MIPOL1: variants seen among roughly 807,000 people sequenced by gnomAD.
MIPOL1 encodes mirror-image polydactyly gene 1 protein.
A neutral mutation model predicts 60.9 loss-of-function variants in MIPOL1; 57 were observed. The ratio of observed to expected loss-of-function variants is 0.94; its 90% CI spans 0.76 to 1.17. The LOEUF (loss-of-function observed/expected upper bound fraction) is 1.17, where lower values mean the gene tolerates loss of function less well. Ranked by LOEUF, MIPOL1 falls within the 50% of genes most tolerant of loss-of-function variation. The pLI is 0.00. For missense variants in MIPOL1, 551 were observed against 511.6 expected, an observed-to-expected ratio of 1.08 and a Z score of -0.74; for synonymous variants, 179 against 168.8, an observed-to-expected ratio of 1.06 and a Z score of -0.47.
At chr14:37,510,843 T>C (rs1230049224) in intron 12 of MIPOL1, among the ~76,000 whole-genome samples, 3 of 151,830 alleles carry the variant, frequency 2.0e-5, no homozygotes, top group African/African-American at 7.3e-5. Context: ...GAGCCCAGAG[T>C]TTACTAGTTT....
intron 10 of MIPOL1, among the ~76,000 whole-genome samples, chr14:37,374,468 G>A (rs562594320): frequency 6.6e-6 from 1 of 152,120 alleles, no homozygotes; most frequent in Non-Finnish European, 1.5e-5. Flanking sequence ...CCATGCCTGT[G>A]TCCTGAATGG....
In MIPOL1 at chr14:37,314,834, T is replaced by C. The variant is rs762838768; in HGVS notation, c.828+6315T>C. 7.3e-4 allele frequency among the ~76,000 whole-genome samples: 111 copies of C among 152,284 alleles called. 1 individual carries two copies. Among genetic ancestry groups the C allele is most frequent in the Non-Finnish European group, 1.4e-3 (93 of 68,024 alleles). ...TATTATGTTTGTGGAATTATTGAAC[T>C]TGGCTATTTTAGATATTTCAAGATA... On this transcript the variant is annotated intron_variant, in intron 9 of 12. Transcript: ENST00000684589.
At chr14:37,255,240 G>A (rs891263408) in intron 3 of MIPOL1, among the ~76,000 whole-genome samples, 3 of 151,532 alleles carry the variant, frequency 2.0e-5, no homozygotes, top group Admixed American at 6.6e-5. Context: ...TGTGGCCTCC[G>A]TAGTATGATT....
chr14:37,514,569 T>C (rs2095354196), intron 12 of MIPOL1, among the ~76,000 whole-genome samples: 1 of 152,254 alleles, frequency 6.6e-6, no homozygotes, highest in Middle Eastern at 3.4e-3. Flanking sequence ...GTCTCTATTA[T>C]TAAACACACA....
intron 10 of MIPOL1, among the ~76,000 whole-genome samples, chr14:37,371,124 A>T (rs1423954320): frequency 1.4e-5 from 2 of 143,510 alleles, no homozygotes; most frequent in South Asian, 2.2e-4. Flanking sequence ...AGATGGAATA[A>T]TTTTTTTTTT....
At chr14:37,218,897 C>G (rs188345629) in intron 1 of MIPOL1, among the ~76,000 whole-genome samples, 32 of 147,318 alleles carry the variant, frequency 2.2e-4, no homozygotes, top group Non-Finnish European at 2.2e-4. Flanking sequence ...TGCACTCCAG[C>G]CTGGGCAACA....
At chr14:37,250,812 A>G (rs1956513) in intron 3 of MIPOL1, among the ~76,000 whole-genome samples, 11,814 of 152,166 alleles carry the variant, frequency 0.078, 726 homozygotes, top group East Asian at 0.3. Context: ...TATTACACAG[A>G]TATGCCTTTA....
chr14:37,393,336 A>G (rs923524877), intron 10 of MIPOL1, among the ~76,000 whole-genome samples: 2 of 140,904 alleles, frequency 1.4e-5, no homozygotes, highest in African/African-American at 5.4e-5. Flanking sequence ...TTCTGGTAAC[A>G]TTTTTTTGAG....
intron 9 of MIPOL1, among the ~76,000 whole-genome samples, chr14:37,324,540 C>T (rs2088944113): frequency 6.6e-6 from 1 of 151,918 alleles, no homozygotes; most frequent in Non-Finnish European, 1.5e-5. Context: ...TTTCTTAATA[C>T]CATCTTTTGA....
intron 7 of MIPOL1, among the ~76,000 whole-genome samples, chr14:37,294,197 A>C (rs1040246967): frequency 2.0e-5 from 3 of 152,212 alleles, no homozygotes; most frequent in Non-Finnish European, 2.9e-5. Flanking sequence ...CCAGGCAAAC[A>C]GGGTCTGGAG....
chr14:37,340,481 C>T (rs781068278), intron 9 of MIPOL1, among the ~76,000 whole-genome samples: 1 of 152,042 alleles, frequency 6.6e-6, no homozygotes, highest in South Asian at 2.1e-4. Context: ...GAGGCCAAGT[C>T]GGACGATCCC....
chr14:37,517,661 C>T (rs925438179), intron 12 of MIPOL1, among the ~76,000 whole-genome samples: 2 of 151,990 alleles, frequency 1.3e-5, no homozygotes, highest in Non-Finnish European at 2.9e-5. Flanking sequence ...AATGATGGTA[C>T]GTGCACATAG....
intron 12 of MIPOL1, among the ~76,000 whole-genome samples, chr14:37,519,853 G>A (rs1053463957): frequency 5.3e-5 from 8 of 152,008 alleles, no homozygotes; most frequent in African/African-American, 7.2e-5. Context: ...TCCACCTTGC[G>A]GAATTTGGCC....
At chr14:37,494,623 A>G (rs1403087183) in intron 11 of MIPOL1, among the ~76,000 whole-genome samples, 1 of 152,216 alleles carries the variant, frequency 6.6e-6, no homozygotes, top group Non-Finnish European at 1.5e-5. Context: ...TAAAGACTGT[A>G]GGTTCAAATT....
intron 11 of MIPOL1, among the ~76,000 whole-genome samples, chr14:37,443,946 A>G (rs970599872): frequency 6.6e-6 from 1 of 152,100 alleles, no homozygotes; most frequent in Admixed American, 6.6e-5. Context: ...ATGAAATTCA[A>G]AACCCATTCA....
rs1212466656 is a variant in MIPOL1, at chr14:37,258,276, A to G, written c.20-8662A>G. Among the ~76,000 whole-genome samples, 4 of 152,230 alleles carry G rather than the reference A, an allele frequency of 2.6e-5. No individual in the cohort carries two copies. The East Asian group carries it at 7.7e-4, about 29-fold the overall frequency. On this transcript the variant is annotated intron_variant, in intron 3 of 12. Coordinates refer to ENST00000684589, the MANE Select transcript of MIPOL1 (RefSeq NM_001388067.1). ...AAAATTTATCTTTTATAGATTATTT[A>G]TGAAATTGTTGAATTCACAATTGGT... is the stretch of plus-strand genomic sequence containing the variant.
intron 2 of MIPOL1, among the ~76,000 whole-genome samples, 160 bp downstream of exon 2, chr14:37,247,400 C>T (rs1973351387): frequency 6.6e-6 from 1 of 151,746 alleles, no homozygotes; most frequent in Non-Finnish European, 1.5e-5. Context: ...TCTTAAATTA[C>T]TTTTATAAGT....
chr14:37,484,358 A>G (rs2094916346), intron 11 of MIPOL1, among the ~76,000 whole-genome samples: 1 of 40,476 alleles, frequency 2.5e-5, no homozygotes, highest in Non-Finnish European at 4.3e-5. Flanking sequence ...TTTTTTTTTG[A>G]GACGGAGTCT....
chr14:37,524,363 G>A (rs1025595040), intron 12 of MIPOL1, among the ~76,000 whole-genome samples: 3 of 152,044 alleles, frequency 2.0e-5, no homozygotes, highest in African/African-American at 7.2e-5. Context: ...AAGATACAGG[G>A]TGTTGAGGAG....
Sources: gnomAD v4.1 joint callset for allele counts (sites outside exome capture counted in the v4.1 genomes callset) on GRCh38, gnomAD v4.1.1 for gene constraint, MANE v1.5 for transcripts, NCBI Gene and HGNC (gene_info 2026-07-23, HGNC 2026-07-21) for gene names.